IL10RA: variants seen among roughly 807,000 people sequenced by gnomAD.
The protein encoded by IL10RA is interleukin 10 receptor subunit alpha.
A neutral mutation model predicts 29.6 loss-of-function variants in IL10RA; 18 were observed. The ratio of observed to expected loss-of-function variants is 0.61; its 90% CI spans 0.42 to 0.90. IL10RA has a LOEUF of 0.90. Ranked by LOEUF, IL10RA falls within the 40% of genes least tolerant of loss-of-function variation. The pLI is 0.00. For missense variants in IL10RA, 634 were observed against 716.6 expected, an observed-to-expected ratio of 0.88 and a Z score of 1.32; for synonymous variants, 292 against 294.1, an observed-to-expected ratio of 0.99 and a Z score of 0.07.
rs1375226988 is a variant in IL10RA at position 118,000,939 on chromosome 11, A to G, written c.*1298A>G. 4.4e-6 allele frequency: 2 copies of G among 454,080 alleles called. No individual in the cohort carries two copies. 28.1% of individuals were successfully genotyped at this position (454,080 alleles called of 1,614,324 possible). ...ATAGGCCATTTGGACTCTGCCTTCA[A>G]ACAAAGGCAGTTCAGTCCACAGGCA... On this transcript the variant is annotated 3_prime_UTR_variant, in exon 7 of 7. Transcript: ENST00000227752.
At chr11:117,993,029 A>G (rs2058033535) in intron 3 of IL10RA, 1 of 575,128 alleles carries the variant, frequency 1.7e-6, no homozygotes, top group Non-Finnish European at 3.1e-6. Context: ...ATCATATTCC[A>G]TTGGTTGATG....
chr11:118,002,535 C>T (rs2058102223), downstream of IL10RA: 1 of 152,114 alleles, frequency 6.6e-6, no homozygotes, highest in Non-Finnish European at 1.5e-5. Flanking sequence ...TGGAAAAGGC[C>T]CCTAAGGTCT....
chr11:117,999,222 G>C lies in IL10RA; in HGVS notation c.1318G>C (p.Ala440Pro). 6.2e-7 allele frequency: 1 copy of C among 1,614,262 alleles called. No homozygotes were observed. The highest frequency in any genetic ancestry group is 8.5e-7 in the Non-Finnish European group (1 of 1,180,046). ...PEVPGEEDPAAVAFQGYLRQT... is the reference protein window; with the variant it reads ...PEVPGEEDPAPVAFQGYLRQT... ...GGTGCCTGGGGAAGAAGACCCAGCT[G>C]CTGTGGCATTCCAGGGTTACCTGAG... The change falls in exon 7 of 7, where the codon GCT (alanine) becomes CCT (proline). Residue 440 changes from alanine to proline, a missense_variant. Ala to Pro is a conservative substitution (Grantham distance 27). Transcript: ENST00000227752.
chr11:117,995,437 C>A, intron 5 of IL10RA, 152 bp from the exon 6 acceptor site: 3 of 924,126 alleles, frequency 3.2e-6, no homozygotes, highest in Non-Finnish European at 5.2e-6. Flanking sequence ...GAAACCTAGA[C>A]ACATCTAGAG....
Position 117,999,524 on chromosome 11 carries a change from C to A in IL10RA, c.1620C>A (p.Ser540Arg), listed in dbSNP as rs762798330. 9 of 1,614,104 alleles carry A rather than the reference C, an allele frequency of 5.6e-6. No individual in the cohort carries two copies. Among genetic ancestry groups the A allele is most frequent in the South Asian group, 1.1e-5 (1 of 91,084 alleles). ...GTGACCTGGGAATATCTGACTGGAG[C>A]TTTGCCCATGACCTTGCCCCTCTAG... ...SCSDLGISDWSFAHDLAPLGC... is the reference protein window; with the variant it reads ...SCSDLGISDWRFAHDLAPLGC... The change falls in exon 7 of 7, where the codon AGC becomes AGA. Residue 540 changes from serine (S) to arginine (R), a missense_variant. By Grantham distance (110) the Ser-to-Arg change is moderately radical. Transcript: ENST00000227752.
rs1326998024 is a variant in IL10RA, at chr11:117,989,464, T to C, written c.211T>C (p.Ser71Pro). Residue 71 changes from serine to proline, a missense_variant, in exon 3 of 7, where the codon TCC becomes CCC. By Grantham distance (74) the Ser-to-Pro change is moderately conservative. Transcript: ENST00000227752. This position sits in a 1 kb window ranked among gnomAD's most constrained non-coding sequence, Gnocchi z 4.5. Reference protein sequence around the residue: ...LLRYGIESWNSISNCSQTLSY... With the variant: ...LLRYGIESWNPISNCSQTLSY... ...CAGGTATGGAATAGAGTCCTGGAAC[T>C]CCATCTCCAACTGTAGCCAGACCCT... 8.7e-6 allele frequency: 14 copies of C among 1,614,060 alleles called. No individual in the cohort carries two copies. Among genetic ancestry groups the C allele is most frequent in the Non-Finnish European group, 1.2e-5 (14 of 1,180,020 alleles).
chr11:117,999,730 G>A lies in IL10RA; in HGVS notation c.*89G>A, dbSNP rs749043148. ...GGCCCCTGGGGCAGAAGTTAGGCAC[G>A]AGGCAGTCTGGGCACTTTTCTGCAA... On this transcript the variant is annotated 3_prime_UTR_variant, in exon 7 of 7. Coordinates refer to ENST00000227752, the MANE Select transcript of IL10RA (RefSeq NM_001558.4). 17 of 1,225,446 alleles carry A rather than the reference G, an allele frequency of 1.4e-5. No homozygotes were observed. Among genetic ancestry groups the A allele is most frequent in the Non-Finnish European group, 1.9e-5 (16 of 843,756 alleles). 75.9% of individuals were successfully genotyped at this position (1,225,446 alleles called of 1,614,324 possible).
At chr11:117,986,785 C>T in intron 1 of IL10RA, 1 of 1,526,638 alleles carries the variant, frequency 6.6e-7, no homozygotes, top group Non-Finnish European at 8.8e-7. Flanking sequence ...ACCCGCAAAC[C>T]TCATCATCCA....
chr11:117,988,279 G>C lies in IL10RA; in HGVS notation c.68-103G>C. On this transcript the variant is annotated intron_variant, in intron 1 of 6. Transcript: ENST00000227752. ...CCCTTACGGGCTCCGCTGGCCTCGGGCGAGTCATAGCCTCTCTGAACCTCC... is the reference window on the plus strand; with the variant it reads ...CCCTTACGGGCTCCGCTGGCCTCGGCCGAGTCATAGCCTCTCTGAACCTCC... 5 of 1,489,384 alleles carry C rather than the reference G, an allele frequency of 3.4e-6. No individual in the cohort carries two copies. In the Admixed American group the frequency reaches 8.4e-5, roughly 25 times the overall value. 92.3% of individuals were successfully genotyped at this position (1,489,384 alleles called of 1,614,324 possible). A position where few individuals can be genotyped will look rare whatever the true frequency, so the allele number is the denominator to read the frequency against.
chr11:118,000,372 T>C lies in IL10RA; in HGVS notation c.*731T>C. On this transcript the variant is annotated 3_prime_UTR_variant, in exon 7 of 7. Coordinates refer to ENST00000227752, the MANE Select transcript of IL10RA (RefSeq NM_001558.4). ...CAAATATCTCCCTCTCTCCAACAAA[T>C]GGAGTAGCATCCCCCTGGGGCACTT... The C allele has an allele frequency of 2.2e-6, 1 of 454,136 alleles. No individual in the cohort carries two copies. Among genetic ancestry groups the C allele is most frequent in the South Asian group, 1.6e-5 (1 of 64,466 alleles). 28.1% of individuals were successfully genotyped at this position (454,136 alleles called of 1,614,324 possible).
At chr11:117,995,411 C>T in intron 5 of IL10RA, 178 bp from the exon 6 acceptor site, 1 of 729,374 alleles carries the variant, frequency 1.4e-6, no homozygotes, top group South Asian at 1.6e-5. Flanking sequence ...TTTGGAAGGC[C>T]AGGTAGGGAT....
rs1031184076 is a variant in IL10RA, at chr11:118,000,085, G to C, written c.*444G>C. On this transcript the variant is annotated 3_prime_UTR_variant, in exon 7 of 7. Transcript: ENST00000227752. ...AGAGCTTCCAGCAGGAGGAAGGGCT[G>C]TAGGAATGGAAGCTTCAGGGCCTTG... The C allele has an allele frequency of 1.5e-5, 7 of 458,012 alleles. No homozygotes were observed. The highest frequency in any genetic ancestry group is 1.4e-4 in the Admixed American group (6 of 42,612). The allele number at this position is 458,012 out of a possible 1,614,324, so 28.4% of individuals were successfully genotyped here. A position where few individuals can be genotyped will look rare whatever the true frequency, so the allele number is the denominator to read the frequency against.
chr11:117,986,945 C>T, intron 1 of IL10RA: 1 of 811,178 alleles, frequency 1.2e-6, no homozygotes, highest in Non-Finnish European at 1.8e-6. Flanking sequence ...GTCTGTCCTT[C>T]TCCCATCTCA....
Position 117,988,386 on chromosome 11 carries a change from A to T in IL10RA, c.72A>T (p.Thr24=). ...TACTGACACTCTTCTCCCCAGGGAC[A>T]GAGCTGCCCAGCCCTCCGTCTGTGT... is the stretch of plus-strand genomic sequence containing the variant. The part of the protein sequence containing the change: ...SLRLGSDAHG[T]ELPSPPSVWF... The change falls in exon 2 of 7, where the codon ACA becomes ACT. Residue 24 remains threonine (T), a synonymous_variant. Coordinates refer to ENST00000227752, the MANE Select transcript of IL10RA (RefSeq NM_001558.4). 6.2e-7 allele frequency: 1 copy of T among 1,614,136 alleles called. No individual in the cohort carries two copies. Among genetic ancestry groups the T allele is most frequent in the Non-Finnish European group, 8.5e-7 (1 of 1,179,998 alleles).
chr11:117,988,227 A>C, intron 1 of IL10RA, 155 bp from the exon 2 acceptor site: 1 of 842,064 alleles, frequency 1.2e-6, no homozygotes. Context: ...AGAATCAGAC[A>C]CATGTGGATT....
chr11:118,000,173 A>G lies in IL10RA; in HGVS notation c.*532A>G, dbSNP rs1257935599. On this transcript the variant is annotated 3_prime_UTR_variant, in exon 7 of 7. Coordinates refer to ENST00000227752, the MANE Select transcript of IL10RA (RefSeq NM_001558.4). ...ATGGTCACATGGGGAACCTCCCCTC[A>G]TCGGGCCTCTGGGGCAGGAAGCTTG... is the stretch of plus-strand genomic sequence containing the variant. 6.6e-6 allele frequency: 3 copies of G among 453,498 alleles called. No homozygotes were observed. The highest frequency in any genetic ancestry group is 1.3e-5 in the Non-Finnish European group (3 of 226,684). 28.1% of individuals were successfully genotyped at this position (453,498 alleles called of 1,614,324 possible). A position where few individuals can be genotyped will look rare whatever the true frequency, so the allele number is the denominator to read the frequency against.
Position 117,999,280 on chromosome 11 carries a change from A to G in IL10RA, c.1376A>G (p.Lys459Arg). The G allele has an allele frequency of 6.2e-7, 1 of 1,614,224 alleles. No homozygotes were observed. Among genetic ancestry groups the G allele is most frequent in the South Asian group, 1.1e-5 (1 of 91,092 alleles). ...QTRCAEEKATKTGCLEEESPL... is the reference protein window; with the variant it reads ...QTRCAEEKATRTGCLEEESPL... ...AGATGTGCTGAAGAGAAGGCAACCA[A>G]GACAGGCTGCCTGGAGGAAGAATCG... The change falls in exon 7 of 7, where the codon AAG becomes AGG. Residue 459 changes from lysine to arginine, a missense_variant. Physicochemically the swap from Lys to Arg is conservative, Grantham distance 26. Transcript: ENST00000227752.
chr11:117,988,043 T>C (rs2057997969), intron 1 of IL10RA: 1 of 384,416 alleles, frequency 2.6e-6, no homozygotes, highest in Non-Finnish European at 5.0e-6. Context: ...GGGACAGGGA[T>C]TGGGCAGAGC....
intron 2 of IL10RA, among the ~76,000 whole-genome samples, chr11:117,988,914 C>A (rs4252251): frequency 0.081 from 12,350 of 152,196 alleles, 666 homozygotes; most frequent in Admixed American, 0.13. Flanking sequence ...GGGTCCACCA[C>A]CATGCCTGGC....
Sources: gnomAD v4.1 joint callset for allele counts (sites outside exome capture counted in the v4.1 genomes callset) on GRCh38, gnomAD v4.1.1 for gene constraint, Gnocchi (gnomAD v3.1) non-coding constraint, MANE v1.5 for transcripts, NCBI Gene and HGNC (gene_info 2026-07-23, HGNC 2026-07-21) for gene names.